VWA3B: variants seen among roughly 807,000 people sequenced by gnomAD.
VWA3B encodes the protein von Willebrand factor A domain containing 3B, also known as von Willebrand factor A domain-containing protein 3B.
In VWA3B, 138 loss-of-function variants were observed where a neutral mutation model predicts 158.3. That is an observed-to-expected ratio of 0.87 (90% CI 0.76 to 1.00). The LOEUF (loss-of-function observed/expected upper bound fraction) is 1.00, where lower values mean the gene tolerates loss of function less well. Ranked by LOEUF, VWA3B falls within the 50% of genes least tolerant of loss-of-function variation. The pLI is 0.00. For missense variants in VWA3B, 1,555 were observed against 1,565.1 expected, an observed-to-expected ratio of 0.99 and a Z score of 0.11; for synonymous variants, 596 against 587.3, an observed-to-expected ratio of 1.01 and a Z score of -0.21.
intron 16 of VWA3B, among the ~76,000 whole-genome samples, chr2:98,231,444 T>C (rs1441497421): frequency 6.6e-6 from 1 of 152,182 alleles, no homozygotes; most frequent in Admixed American, 6.5e-5. Flanking sequence ...AGGACCTAGA[T>C]TTAATCCACA....
rs748232542 is a variant in VWA3B at position 98,234,767 on chromosome 2, G to A, written c.2428G>A (p.Glu810Lys). 9 of 1,614,164 alleles carry A rather than the reference G, an allele frequency of 5.6e-6. No individual in the cohort carries two copies. Among genetic ancestry groups the A allele is most frequent in the Admixed American group, 1.7e-5 (1 of 60,028 alleles). The change falls in exon 17 of 28, where the codon GAA becomes AAA. Residue 810 changes from glutamate to lysine, a missense_variant and splice_region_variant. Glu to Lys is a moderately conservative substitution (Grantham distance 56). Transcript: ENST00000477737. ...SSRRTALSDK[E>K]MSILLAEEWL... is the part of the protein sequence containing the mutation. ...CCGGAGGACTGCTCTAAGTGACAAAGGCAAGCCAGAAAGCATCTCTGTGGC... is the reference window on the plus strand; with the variant it reads ...CCGGAGGACTGCTCTAAGTGACAAAAGCAAGCCAGAAAGCATCTCTGTGGC...
chr2:98,214,152 C>T (rs1333316328), intron 13 of VWA3B, among the ~76,000 whole-genome samples: 1 of 151,652 alleles, frequency 6.6e-6, no homozygotes, highest in Non-Finnish European at 1.5e-5. Context: ...GATCGTGCTA[C>T]TGCACTCCAG....
At chr2:98,109,086 G>A (rs544275582) in intron 2 of VWA3B, among the ~76,000 whole-genome samples, 20 of 149,810 alleles carry the variant, frequency 1.3e-4, no homozygotes, top group South Asian at 1.1e-3. Context: ...TCTGCCTCCC[G>A]GGTTCAAGCA....
chr2:98,159,368 C>A (rs1678374259), intron 7 of VWA3B, among the ~76,000 whole-genome samples: 2 of 152,124 alleles, frequency 1.3e-5, no homozygotes, highest in South Asian at 4.1e-4. Flanking sequence ...CCTGCCTCAG[C>A]CTCCTGAGTA....
intron 23 of VWA3B, among the ~76,000 whole-genome samples, chr2:98,294,445 T>C (rs1689684167): frequency 6.6e-6 from 1 of 152,226 alleles, no homozygotes; most frequent in Admixed American, 6.5e-5. Context: ...GACTGGCTGT[T>C]GCCACTGTTG....
downstream of VWA3B, among the ~76,000 whole-genome samples, chr2:98,313,834 G>A (rs550929589): frequency 6.6e-6 from 1 of 152,112 alleles, no homozygotes; most frequent in Non-Finnish European, 1.5e-5. Flanking sequence ...TAGTTGCATT[G>A]GTGTTACATT....
rs779785668 is a variant in VWA3B, at chr2:98,181,047, G to C, written c.1146G>C (p.Ser382=). Residue 382 remains serine, a synonymous_variant, in exon 9 of 28, where the codon TCG becomes TCC. Transcript: ENST00000477737. The stretch of plus-strand genomic sequence containing the variant: ...AAACAACCTCTGTTGAGATTGCATC[G>C]AATCCAGAAGACACCTGGGACTCTA... ...ESETTSVEIA[S]NPEDTWDSKT... The C allele has an allele frequency of 6.2e-7, 1 of 1,614,032 alleles. No individual in the cohort carries two copies. Among genetic ancestry groups the C allele is most frequent in the African/African-American group, 1.3e-5 (1 of 74,904 alleles).
chr2:98,325,687 G>A, the VWA3B span, among the ~76,000 whole-genome samples: 7 of 152,104 alleles, frequency 4.6e-5, no homozygotes, highest in Admixed American at 6.5e-5. Flanking sequence ...TACACATGGC[G>A]ACATGGCAAC....
intron 24 of VWA3B, 77 bp from the exon 25 acceptor site, chr2:98,300,002 T>C: frequency 6.3e-7 from 1 of 1,575,498 alleles, no homozygotes; most frequent in Non-Finnish European, 8.7e-7. Flanking sequence ...TGCCTTGGAG[T>C]ATTTTAAAAC....
At chr2:98,094,839 G>A (rs2104820131) in intron 2 of VWA3B, among the ~76,000 whole-genome samples, 1 of 152,214 alleles carries the variant, frequency 6.6e-6, no homozygotes, top group South Asian at 2.1e-4. Flanking sequence ...TCTGCCTGTG[G>A]CTATACAGTT....
At chr2:98,221,840 G>A (rs760914503) in intron 14 of VWA3B, among the ~76,000 whole-genome samples, 2 of 152,148 alleles carry the variant, frequency 1.3e-5, no homozygotes, top group African/African-American at 2.4e-5. Context: ...ACCAGGCAGT[G>A]TGAGGCCAGT....
chr2:98,208,581 A>G (rs537090755), intron 12 of VWA3B, among the ~76,000 whole-genome samples: 3 of 152,172 alleles, frequency 2.0e-5, no homozygotes, highest in African/African-American at 7.2e-5. Context: ...GTAACTTATC[A>G]CAGCCTATTG....
intron 21 of VWA3B, among the ~76,000 whole-genome samples, chr2:98,256,674 C>A (rs1298105562): frequency 6.6e-6 from 1 of 152,126 alleles, no homozygotes; most frequent in Non-Finnish European, 1.5e-5. Flanking sequence ...TCTTTGTGGA[C>A]ATATGTTTTC....
intron 21 of VWA3B, among the ~76,000 whole-genome samples, chr2:98,257,877 CT>C (rs1166304684): frequency 4.6e-5 from 7 of 151,194 alleles, no homozygotes; most frequent in Non-Finnish European, 8.9e-5. Flanking sequence ...GTGAATTCTT[CT>C]TTTTTTTTCT....
chr2:98,273,388 A>T (rs1204670963), intron 22 of VWA3B, among the ~76,000 whole-genome samples: 2 of 152,186 alleles, frequency 1.3e-5, no homozygotes, highest in African/African-American at 2.4e-5. Flanking sequence ...AATTTTTATC[A>T]CAGAAGGTCA....
chr2:98,146,235 GT>G (rs1176540823), intron 7 of VWA3B, among the ~76,000 whole-genome samples: 2 of 152,102 alleles, frequency 1.3e-5, no homozygotes, highest in African/African-American at 4.8e-5. Flanking sequence ...TCTCTTGGTA[GT>G]TTTACTGCTC....
intron 7 of VWA3B, among the ~76,000 whole-genome samples, chr2:98,152,962 A>T (rs1462415801): frequency 1.3e-5 from 2 of 152,246 alleles, no homozygotes; most frequent in African/African-American, 4.8e-5. Context: ...TACAACCCAA[A>T]GTACCAACAA....
chr2:98,177,055 T>A (rs1290309506), intron 8 of VWA3B, among the ~76,000 whole-genome samples: 1 of 152,182 alleles, frequency 6.6e-6, no homozygotes, highest in East Asian at 1.9e-4. Flanking sequence ...CCCTGATGGC[T>A]GTGAGCCCCT....
intron 22 of VWA3B, among the ~76,000 whole-genome samples, chr2:98,277,572 C>T (rs1010688990): frequency 2.0e-5 from 3 of 152,146 alleles, no homozygotes; most frequent in East Asian, 1.9e-4. Flanking sequence ...TAAAGGAGGC[C>T]GTGGAAAGTT....
Sources: allele counts gnomAD v4.1 joint callset (sites outside exome capture counted in the v4.1 genomes callset), GRCh38; gene constraint gnomAD v4.1.1; transcripts MANE v1.5; gene names NCBI Gene and HGNC (gene_info 2026-07-23, HGNC 2026-07-21).